Variants in TRIO observed in about 807,000 individuals in gnomAD.
TRIO encodes the protein triple functional domain protein.
A neutral mutation model predicts 351.9 loss-of-function variants in TRIO; 58 were observed. That is an observed-to-expected ratio of 0.16 (90% CI 0.13 to 0.21). The LOEUF (loss-of-function observed/expected upper bound fraction) is 0.21. TRIO is among the 10% of genes least tolerant of loss of function. TRIO has a pLI of 1.00. For synonymous variants in TRIO, 1,758 were observed against 1,595.7 expected (o/e 1.10, Z -2.42); for missense variants, 3,201 against 4,027.8 (o/e 0.79, Z 5.56).
At chr5:14,312,962 A>G (rs1055317517) in intron 8 of TRIO, among the ~76,000 whole-genome samples, 8 of 152,332 alleles carry the variant, frequency 5.3e-5, no homozygotes, top group Middle Eastern at 3.4e-3. Context: ...AAAAGTGAAA[A>G]CTATATATGC....
intron 33 of TRIO, among the ~76,000 whole-genome samples, chr5:14,408,230 A>T (rs921896647): frequency 6.6e-6 from 1 of 152,202 alleles, no homozygotes; most frequent in African/African-American, 2.4e-5. Context: ...AGGATTCATG[A>T]TACTTAATGT....
intron 13 of TRIO, 36 bp from the exon 14 acceptor site, chr5:14,363,696 A>G (rs1408843321): frequency 6.3e-7 from 1 of 1,588,214 alleles, no homozygotes; most frequent in Non-Finnish European, 8.6e-7. Context: ...CTGCATGTAT[A>G]TTTTTTTTGT....
intron 21 of TRIO, 150 bp from the exon 22 acceptor site, chr5:14,387,288 G>T: frequency 1.5e-6 from 1 of 649,846 alleles, no homozygotes; most frequent in Non-Finnish European, 2.6e-6. Flanking sequence ...GGGAGATGGA[G>T]TGGGTGGACC....
intron 34 of TRIO, among the ~76,000 whole-genome samples, chr5:14,454,229 C>A (rs1013595486): frequency 1.3e-5 from 2 of 152,160 alleles, no homozygotes; most frequent in South Asian, 2.1e-4. Context: ...GTGCCCTGCC[C>A]AGATTGATCT....
intron 33 of TRIO, among the ~76,000 whole-genome samples, chr5:14,410,312 T>G (rs568700772): frequency 6.6e-6 from 1 of 152,278 alleles, no homozygotes; most frequent in South Asian, 2.1e-4. Flanking sequence ...ACGTTTTCTC[T>G]TAGCCATCTC....
At chr5:14,184,800 C>T (rs1444517035) in intron 1 of TRIO, among the ~76,000 whole-genome samples, 3 of 152,122 alleles carry the variant, frequency 2.0e-5, no homozygotes, top group Non-Finnish European at 4.4e-5. Context: ...GGGTCCAGTG[C>T]GGTTGCGGGG....
chr5:14,318,642 AAG>A (rs2152307546), intron 9 of TRIO, among the ~76,000 whole-genome samples: 1 of 152,330 alleles, frequency 6.6e-6, no homozygotes, highest in African/African-American at 2.4e-5. Flanking sequence ...TTGCCAGAGA[AAG>A]AATACAGTGC....
chr5:14,143,740 C>T lies in TRIO; in HGVS notation c.15C>T (p.Ser5=), dbSNP rs1391377462. Residue 5 remains serine, a synonymous_variant, in exon 1 of 57, where the codon AGC becomes AGT. Transcript: ENST00000344204. ...CCGCCGCAGCCATGAGCGGCAGCAG[C>T]GGCGGAGCCGCCGCCCCCGCCGCGT... MSGS[S]GGAAAPAASS... is the part of the protein sequence containing the mutation. 1 of 980,462 alleles carries T rather than the reference C, an allele frequency of 1.0e-6. No homozygotes were observed. Among genetic ancestry groups the T allele is most frequent in the Non-Finnish European group, 1.2e-6 (1 of 828,556 alleles). The allele number at this position is 980,462 out of a possible 1,614,324, so 60.7% of individuals were successfully genotyped here.
At chr5:14,308,212 G>C (rs370544275) in intron 8 of TRIO, among the ~76,000 whole-genome samples, 1 of 152,076 alleles carries the variant, frequency 6.6e-6, no homozygotes, top group Admixed American at 6.5e-5. Context: ...TGAAACATAT[G>C]AATGCCATCC....
In TRIO at chr5:14,336,671, G is replaced by A. The variant is rs2152319360; in HGVS notation, c.1990G>A (p.Glu664Lys). ...GATTCAAGATTTCGTTCGGCGTGTTGAGCAGCGAAAGATCCTACTGGACAT... is the reference window on the plus strand; with the variant it reads ...GATTCAAGATTTCGTTCGGCGTGTTAAGCAGCGAAAGATCCTACTGGACAT... The part of the protein sequence containing the change: ...DRIQDFVRRV[E>K]QRKILLDMSV... The change falls in exon 11 of 57, where the codon GAG (glutamate) becomes AAG (lysine). Residue 664 changes from glutamate (E) to lysine (K), a missense_variant. Around this residue, in one of 19 missense-constraint regions of TRIO, gnomAD observed 363 missense variants for 553.5 expected, o/e 0.66. Coordinates refer to ENST00000344204, the MANE Select transcript of TRIO (RefSeq NM_007118.4). 6.2e-7 allele frequency: 1 copy of A among 1,614,212 alleles called. No homozygotes were observed. Among genetic ancestry groups the A allele is most frequent in the Non-Finnish European group, 8.5e-7 (1 of 1,180,044 alleles).
chr5:14,411,514 T>C (rs1749201506), intron 33 of TRIO, among the ~76,000 whole-genome samples: 1 of 150,136 alleles, frequency 6.7e-6, no homozygotes, highest in Non-Finnish European at 1.5e-5. Flanking sequence ...AGAAATTCAG[T>C]TGAGACTGAT....
rs1756999323 is a variant in TRIO, at chr5:14,497,810, C to T, written c.8020-37C>T. On this transcript the variant is annotated intron_variant, in intron 50 of 56. Coordinates refer to ENST00000344204, the MANE Select transcript of TRIO (RefSeq NM_007118.4). The surrounding 1 kb of genome is among the most constrained non-coding windows in gnomAD (Gnocchi z 4.4). Reference sequence around the variant, plus strand: ...GAAAGGAATACACCTTAAAGTAGCTCATTTCAGTTAATGCTTGTTTGCTGT... The same window carrying T: ...GAAAGGAATACACCTTAAAGTAGCTTATTTCAGTTAATGCTTGTTTGCTGT... 2 of 1,613,926 alleles carry T rather than the reference C, an allele frequency of 1.2e-6. No homozygotes were observed. Among genetic ancestry groups the T allele is most frequent in the Non-Finnish European group, 8.5e-7 (1 of 1,179,770 alleles).
chr5:14,336,954 A>C (rs1214024555), intron 11 of TRIO, among the ~76,000 whole-genome samples: 5 of 152,154 alleles, frequency 3.3e-5, no homozygotes, highest in Non-Finnish European at 7.4e-5. Flanking sequence ...CTTTCCATAA[A>C]GAGAGGACCC....
chr5:14,358,369 G>A, intron 12 of TRIO, 22 bp downstream of exon 12: 2 of 1,610,320 alleles, frequency 1.2e-6, no homozygotes, highest in Non-Finnish European at 8.5e-7. Context: ...CCCTCTCCTG[G>A]TCCGAACAGA....
At chr5:14,468,932 G>A (rs574431424) in intron 37 of TRIO, among the ~76,000 whole-genome samples, 2 of 152,168 alleles carry the variant, frequency 1.3e-5, no homozygotes, top group African/African-American at 2.4e-5. Flanking sequence ...GGATTCATTC[G>A]TCTGGCTTAC....
chr5:14,336,322 T>C (rs1462620645), intron 10 of TRIO, among the ~76,000 whole-genome samples: 5 of 152,206 alleles, frequency 3.3e-5, no homozygotes, highest in Non-Finnish European at 7.3e-5. Flanking sequence ...GGTTTTGATA[T>C]GGGGTTCAAA....
At chr5:14,281,456 A>G (rs1184459231) in intron 3 of TRIO, among the ~76,000 whole-genome samples, 1 of 74,196 alleles carries the variant, frequency 1.3e-5, no homozygotes, top group Admixed American at 1.9e-4. Flanking sequence ...TCCAATTACC[A>G]CCCACCAGGC....
rs1410104895 is a variant in TRIO at position 14,302,855 on chromosome 5, T to C, written c.1369-1606T>C. Among the ~76,000 whole-genome samples, 9 of 152,258 alleles carry C rather than the reference T, an allele frequency of 5.9e-5. No individual in the cohort carries two copies. In the East Asian group the frequency reaches 1.7e-3, roughly 29 times the overall value. On this transcript the variant is annotated intron_variant, in intron 7 of 56. Transcript: ENST00000344204. ...AAACCGAGGGAAATGTGTTGATGTCTGTTTGGCTTAATTGAATTAGCTTTT... is the reference window on the plus strand; with the variant it reads ...AAACCGAGGGAAATGTGTTGATGTCCGTTTGGCTTAATTGAATTAGCTTTT...
intron 54 of TRIO, among the ~76,000 whole-genome samples, chr5:14,503,453 G>A (rs1011678555): frequency 6.6e-6 from 1 of 152,242 alleles, no homozygotes; most frequent in Admixed American, 6.5e-5. Flanking sequence ...GTGGGCAGAT[G>A]GGACCATTAT....
Sources: gnomAD v4.1 joint callset for allele counts (sites outside exome capture counted in the v4.1 genomes callset) on GRCh38, gnomAD v4.1.1 for gene constraint, gnomAD v4.1.1 regional missense constraint, Gnocchi (gnomAD v3.1) non-coding constraint, MANE v1.5 for transcripts, NCBI Gene and HGNC (gene_info 2026-07-23, HGNC 2026-07-21) for gene names.